The following FSD1L variants were observed in gnomAD, a reference collection of about 807,000 sequenced individuals.
FSD1L encodes the protein fibronectin type III and SPRY domain containing 1 like.
In FSD1L, 45 loss-of-function variants were observed where a neutral mutation model predicts 71.6. The ratio of observed to expected loss-of-function variants is 0.63; its 90% confidence interval spans 0.49 to 0.81. FSD1L has a LOEUF of 0.81. Ranked by LOEUF, FSD1L falls within the 30% of genes least tolerant of loss-of-function variation. The probability of loss-of-function intolerance (pLI) is 0.00; values close to 1 mark genes in which losing one functional copy is unlikely to be tolerated. For missense variants in FSD1L, 561 were observed against 618.1 expected, an observed-to-expected ratio of 0.91 and a Z score of 0.98; for synonymous variants, 197 against 207.2, an observed-to-expected ratio of 0.95 and a Z score of 0.42.
Position 105,539,245 on chromosome 9 carries a change from T to C in FSD1L, c.1379-18T>C. ...ATTTTTTGTATAATAAATTAGGCTT[T>C]TTTTCCTTCTTTTTTAGGTCAACTT... is the stretch of plus-strand genomic sequence containing the variant. On this transcript the variant is annotated intron_variant, in intron 12 of 13. Coordinates refer to ENST00000481272, the MANE Select transcript of FSD1L (RefSeq NM_001145313.3). 1 of 1,238,908 alleles carries C rather than the reference T, an allele frequency of 8.1e-7. No individual in the cohort carries two copies. Among genetic ancestry groups the C allele is most frequent in the African/African-American group, 1.5e-5 (1 of 65,116 alleles). The allele number at this position is 1,238,908 out of a possible 1,614,324, so 76.7% of individuals were successfully genotyped here. A position where few individuals can be genotyped will look rare whatever the true frequency, so the allele number is the denominator to read the frequency against.
At chr9:105,461,156 T>G (rs72744258) in intron 1 of FSD1L, among the ~76,000 whole-genome samples, 5,393 of 152,270 alleles carry the variant, frequency 0.035, 133 homozygotes, top group South Asian at 0.089. Context: ...TGCAAATTAA[T>G]AAGATTAATA....
chr9:105,494,821 C>T (rs945712583), intron 7 of FSD1L, among the ~76,000 whole-genome samples: 30 of 152,142 alleles, frequency 2.0e-4, no homozygotes, highest in East Asian at 1.9e-4. Context: ...AGTGGATTTT[C>T]GTGAACCGCA....
chr9:105,492,837 T>G (rs1833052560), intron 7 of FSD1L, among the ~76,000 whole-genome samples: 1 of 152,254 alleles, frequency 6.6e-6, no homozygotes, highest in Non-Finnish European at 1.5e-5. Flanking sequence ...TCCTGAATTC[T>G]AGTTTGATTG....
chr9:105,463,216 C>T (rs533598893), intron 2 of FSD1L, among the ~76,000 whole-genome samples: 28 of 152,046 alleles, frequency 1.8e-4, no homozygotes, highest in Admixed American at 5.2e-4. Flanking sequence ...AACCCTTTGT[C>T]GATATCTGAT....
intron 7 of FSD1L, among the ~76,000 whole-genome samples, chr9:105,498,190 T>TTATTATTATTA (rs1554708757): frequency 3.5e-5 from 5 of 143,412 alleles, no homozygotes; most frequent in African/African-American, 1.3e-4. Context: ...TTGCTTTGGC[T>TTATTATTATTA]TTATTATTAT....
chr9:105,521,170 T>C (rs1835127770), intron 10 of FSD1L: 1 of 1,614,132 alleles, frequency 6.2e-7, no homozygotes, highest in Non-Finnish European at 8.5e-7. Context: ...GTTATTGTCA[T>C]TCGTTGGCTG....
rs548697504 is a variant in FSD1L at position 105,522,061 on chromosome 9, A to G, written c.1025+9125A>G. 4.7e-4 allele frequency: 751 copies of G among 1,613,198 alleles called. 1 individual carries two copies. Among genetic ancestry groups the G allele is most frequent in the Admixed American group, 7.0e-4 (42 of 60,018 alleles). On this transcript the variant is annotated intron_variant, in intron 10 of 13. Coordinates refer to ENST00000481272, the MANE Select transcript of FSD1L (RefSeq NM_001145313.3). ...AAGATGCCATCACAAGCTTTTCTAC[A>G]GTTCCAAGGGAAAAAAAATATGACC...
At chr9:105,538,851 G>A (rs1836431857) in intron 12 of FSD1L, among the ~76,000 whole-genome samples, 1 of 152,138 alleles carries the variant, frequency 6.6e-6, no homozygotes, top group Non-Finnish European at 1.5e-5. Flanking sequence ...GCATCAGGTA[G>A]ATAGAAGACA....
At chr9:105,512,983 T>C in intron 10 of FSD1L, 47 bp downstream of exon 10, 1 of 1,402,542 alleles carries the variant, frequency 7.1e-7, no homozygotes, top group Non-Finnish European at 9.3e-7. Flanking sequence ...GCTTGTACAC[T>C]GGTTCTTATT....
At chr9:105,520,176 G>T in intron 10 of FSD1L, 2 of 1,611,350 alleles carry the variant, frequency 1.2e-6, no homozygotes, top group Non-Finnish European at 8.5e-7. Flanking sequence ...CACCCAGAAG[G>T]TGCTAGACAC....
rs1589010195 is a variant in FSD1L, at chr9:105,494,636, C to G, written c.586+10134C>G. Among the ~76,000 whole-genome samples, 3 of 152,212 alleles carry G rather than the reference C, an allele frequency of 2.0e-5. No homozygotes were observed. The South Asian group carries it at 6.2e-4, about 32-fold the overall frequency. On this transcript the variant is annotated intron_variant, in intron 7 of 13. Transcript: ENST00000481272. ...TTTTTCCCCATCTTTGTGGTTTTAT[C>G]TACTTTTGGTCTTTGATGATGGTGA...
At chr9:105,472,272 C>T in intron 5 of FSD1L, 1 of 348,498 alleles carries the variant, frequency 2.9e-6, no homozygotes, top group Non-Finnish European at 5.2e-6. Context: ...TCACTTTATG[C>T]ACATGAGCAC....
intron 7 of FSD1L, among the ~76,000 whole-genome samples, chr9:105,488,198 A>G (rs1832680672): frequency 6.6e-6 from 1 of 152,174 alleles, no homozygotes; most frequent in African/African-American, 2.4e-5. Context: ...CCTTACTCCC[A>G]GTCAATGGCA....
chr9:105,481,141 C>CTGTGTGTTTGTG (rs1554704154), intron 6 of FSD1L, among the ~76,000 whole-genome samples: 5 of 81,558 alleles, frequency 6.1e-5, no homozygotes, highest in African/African-American at 2.4e-4. Flanking sequence ...CAGGCAAACT[C>CTGTGTGTTTGTG]TGTGTGTGTG....
intron 7 of FSD1L, among the ~76,000 whole-genome samples, chr9:105,500,929 A>G (rs986631068): frequency 3.3e-5 from 5 of 152,346 alleles, no homozygotes; most frequent in East Asian, 3.9e-4. Flanking sequence ...ACAACTGACT[A>G]ACTATGACAA....
intron 13 of FSD1L, among the ~76,000 whole-genome samples, chr9:105,543,027 T>A (rs1836728871): frequency 6.6e-6 from 1 of 152,166 alleles, no homozygotes; most frequent in Non-Finnish European, 1.5e-5. Context: ...TTTTTCTAAA[T>A]CATTTAAATA....
At chr9:105,525,638 G>A in intron 10 of FSD1L, 1 of 1,612,140 alleles carries the variant, frequency 6.2e-7, no homozygotes, top group African/African-American at 1.3e-5. Flanking sequence ...AGAGAACTTA[G>A]GAACTTGGAT....
intron 7 of FSD1L, among the ~76,000 whole-genome samples, chr9:105,489,396 A>T (rs1193997746): frequency 1.3e-5 from 2 of 152,186 alleles, no homozygotes; most frequent in African/African-American, 4.8e-5. Flanking sequence ...AATACAAATT[A>T]TATTTAAAGA....
At chr9:105,540,752 A>G (rs1321169411) in intron 13 of FSD1L, among the ~76,000 whole-genome samples, 3 of 152,146 alleles carry the variant, frequency 2.0e-5, no homozygotes, top group Non-Finnish European at 4.4e-5. Context: ...ACCACATAGC[A>G]ATTACATCCT....
Sources: gnomAD v4.1 joint callset for allele counts (sites outside exome capture counted in the v4.1 genomes callset) on GRCh38, gnomAD v4.1.1 for gene constraint, MANE v1.5 for transcripts, NCBI Gene and HGNC (gene_info 2026-07-23, HGNC 2026-07-21) for gene names.